The following GPHN variants were observed in gnomAD, a reference collection of about 807,000 sequenced individuals.
The protein encoded by GPHN is gephyrin.
A neutral mutation model predicts 95.5 loss-of-function variants in GPHN; 17 were observed. The ratio of observed to expected loss-of-function variants is 0.18; its 90% CI spans 0.12 to 0.27. GPHN has a LOEUF of 0.27. Ranked by LOEUF, GPHN falls within the 10% of genes least tolerant of loss-of-function variation. GPHN has a pLI of 1.00. For synonymous variants in GPHN, 320 were observed against 322.5 expected, an observed-to-expected ratio of 0.99 and a Z score of 0.08; for missense variants, 660 against 978.1, an observed-to-expected ratio of 0.67 and a Z score of 4.34.
At chr14:67,196,366 G>A in the GPHN span, among the ~76,000 whole-genome samples, 1 of 151,896 alleles carries the variant, frequency 6.6e-6, no homozygotes, top group African/African-American at 2.4e-5. Context: ...ACAGGCACCT[G>A]TCACCATGCC....
chr14:67,002,309 CTTTT>C (rs1177817698), intron 9 of GPHN, among the ~76,000 whole-genome samples: 4 of 58,760 alleles, frequency 6.8e-5, no homozygotes, highest in Non-Finnish European at 9.4e-5. Flanking sequence ...CTTTGTGTTG[CTTTT>C]TTTTTTTTTT....
intron 1 of GPHN, among the ~76,000 whole-genome samples, chr14:66,676,631 A>G (rs2066601845): frequency 6.8e-6 from 1 of 148,140 alleles, no homozygotes; most frequent in South Asian, 2.1e-4. Flanking sequence ...ATGTTGAACC[A>G]TCCTCGCATA....
the GPHN span, among the ~76,000 whole-genome samples, chr14:67,284,578 A>C: frequency 1.4e-4 from 18 of 124,336 alleles, no homozygotes; most frequent in South Asian, 1.1e-3. Context: ...AAAAAAAAAA[A>C]AAAAAAAAAA....
chr14:67,411,227 C>G, the GPHN span, among the ~76,000 whole-genome samples: 1 of 151,526 alleles, frequency 6.6e-6, no homozygotes, highest in Non-Finnish European at 1.5e-5. Context: ...TCATCTTCTA[C>G]CATAATCCCA....
the GPHN span, chr14:67,198,373 C>G: frequency 6.6e-7 from 1 of 1,508,672 alleles, no homozygotes; most frequent in Admixed American, 1.8e-5. Flanking sequence ...GTAATTTTCT[C>G]AAAGAAAACT....
At chr14:67,677,363 A>ATTTTTTTTTTTTTTTTTTTTTTTT in the GPHN span, 3 of 31,978 alleles carry the variant, frequency 9.4e-5, 1 homozygote, top group Non-Finnish European at 1.5e-4. Context: ...TGTTTTTAGG[A>ATTTTTTTTTTTTTTTTTTTTTTTT]TTTTTTTTTT....
intron 9 of GPHN, among the ~76,000 whole-genome samples, chr14:67,006,328 A>G (rs1302219120): frequency 6.6e-6 from 1 of 151,946 alleles, no homozygotes; most frequent in Non-Finnish European, 1.5e-5. Context: ...AAAAGGGTCT[A>G]TTTTCGAAAT....
chr14:67,052,307 A>G (rs765768365), intron 10 of GPHN, among the ~76,000 whole-genome samples: 7 of 151,760 alleles, frequency 4.6e-5, no homozygotes, highest in Non-Finnish European at 8.8e-5. Flanking sequence ...TTGCAATCCT[A>G]GTGTTAAAGT....
At chr14:67,230,152 ATTCTTACAGG>A in the GPHN span, among the ~76,000 whole-genome samples, 2 of 152,202 alleles carry the variant, frequency 1.3e-5, no homozygotes, top group African/African-American at 4.8e-5. Context: ...TAATAAATTG[ATTCTTACAGG>A]TAGAAAGCTA....
At chr14:67,385,233 C>G in the GPHN span, 1 of 152,110 alleles carries the variant, frequency 6.6e-6, no homozygotes, top group Non-Finnish European at 1.5e-5. Flanking sequence ...CATATGAGGA[C>G]AAGGTATACA....
chr14:66,786,223 A>G (rs1406087152), intron 3 of GPHN, among the ~76,000 whole-genome samples: 1 of 151,928 alleles, frequency 6.6e-6, no homozygotes, highest in Non-Finnish European at 1.5e-5. Context: ...CAGATCTTCT[A>G]TTCTTTAAAA....
the GPHN span, among the ~76,000 whole-genome samples, chr14:67,225,926 A>AGTGTGTGTGTGTGT: frequency 0.045 from 6,091 of 136,538 alleles, 199 homozygotes; most frequent in Admixed American, 0.06. Context: ...TAATGCTGTG[A>AGTGTGTGTGTGTGT]GTGTGTGTGT....
At chr14:67,118,369 A>G (rs2078809282) in intron 16 of GPHN, among the ~76,000 whole-genome samples, 1 of 152,182 alleles carries the variant, frequency 6.6e-6, no homozygotes, top group African/African-American at 2.4e-5. Context: ...ATTAAAGGCT[A>G]GTTAATAAAG....
chr14:66,842,489 T>C (rs1460546211), intron 4 of GPHN, among the ~76,000 whole-genome samples: 2 of 152,120 alleles, frequency 1.3e-5, no homozygotes, highest in Non-Finnish European at 2.9e-5. Context: ...AAGGGGAGGT[T>C]GTGGGGAATG....
intron 1 of GPHN, among the ~76,000 whole-genome samples, chr14:66,550,312 G>T (rs891418642): frequency 5.9e-5 from 9 of 152,194 alleles, no homozygotes; most frequent in African/African-American, 2.2e-4. Context: ...CACCCATCAA[G>T]ACTTCACTGA....
chr14:67,530,633 C>T, the GPHN span, among the ~76,000 whole-genome samples: 2 of 152,194 alleles, frequency 1.3e-5, no homozygotes, highest in Non-Finnish European at 2.9e-5. Flanking sequence ...TCAAAATATA[C>T]ACCCAAGGGC....
At chr14:66,824,363 G>A in intron 3 of GPHN, 111 bp from the exon 4 acceptor site, 1 of 655,674 alleles carries the variant, frequency 1.5e-6, no homozygotes, top group South Asian at 1.8e-5. Flanking sequence ...CTTACTGACT[G>A]TTGAAAAGAA....
chr14:66,698,275 A>G (rs991802697), intron 2 of GPHN, among the ~76,000 whole-genome samples: 14 of 152,164 alleles, frequency 9.2e-5, no homozygotes, highest in African/African-American at 3.4e-4. Context: ...GAAAAAGGTT[A>G]AATACTTGCT....
chr14:67,621,014 A>C, the GPHN span: 1 of 1,560,178 alleles, frequency 6.4e-7, no homozygotes, highest in Non-Finnish European at 8.8e-7. Flanking sequence ...GTAATAGACC[A>C]CTTCAGAGTC....
Sources: allele counts gnomAD v4.1 joint callset (sites outside exome capture counted in the v4.1 genomes callset), GRCh38; gene constraint gnomAD v4.1.1; transcripts MANE v1.5; gene names NCBI Gene and HGNC (gene_info 2026-07-23, HGNC 2026-07-21).